Variants in GYPB observed in about 807,000 individuals in gnomAD.
The protein encoded by GYPB is glycophorin-B.
In GYPB, 13 loss-of-function variants were observed where a neutral mutation model predicts 15.3. The observed-to-expected ratio is 0.85, with a 90% CI of 0.55 to 1.35. The LOEUF is 1.35. Among genes scored for constraint, GYPB ranks in the 40% most tolerant of loss-of-function variants. The pLI, the probability that GYPB is intolerant of heterozygous loss-of-function variation, is 0.00. For missense variants in GYPB, 131 were observed against 108.3 expected (o/e 1.21, Z -0.93); for synonymous variants, 38 against 36.9 (o/e 1.03, Z -0.11).
In GYPB at chr4:143,996,444, T is replaced by C; in HGVS notation, c.271-140A>G. ...GAGGCTTCTAAAGGGTACCTAGGGG[T>C]GTTGCCAAGTTCTTTTGGTTTTATA... On this transcript the variant is annotated intron_variant, in intron 4 of 4. Coordinates refer to ENST00000502664, the MANE Select transcript of GYPB (RefSeq NM_002100.6). The C allele has an allele frequency of 4.1e-6, 6 of 1,458,790 alleles. No homozygotes were observed. The South Asian group carries it at 7.5e-5, about 18-fold the overall frequency. 90.4% of individuals were successfully genotyped at this position (1,458,790 alleles called of 1,614,324 possible). A position where few individuals can be genotyped will look rare whatever the true frequency, so the allele number is the denominator to read the frequency against.
At position 144,017,616 on chromosome 4, in the gene GYPB, TA is replaced by T. The variant is rs1238105020; in HGVS notation, c.37+1634del. Among the ~76,000 whole-genome samples the T allele has an allele frequency of 9.8e-4, 146 of 149,112 alleles. 7 individuals carry two copies. Among genetic ancestry groups the T allele is most frequent in the African/African-American group, 3.1e-3 (124 of 39,960 alleles). ...ATCTGCTTGTGTAGTTGTAGAAATTTAAAAAAAAAATCATTTCTTTGCCAGG... is the reference window on the plus strand; with the variant it reads ...ATCTGCTTGTGTAGTTGTAGAAATTTAAAAAAAAATCATTTCTTTGCCAGG... On this transcript the variant is annotated intron_variant, in intron 1 of 4. Coordinates refer to ENST00000502664, the MANE Select transcript of GYPB (RefSeq NM_002100.6).
chr4:144,016,140 GAAAAAAAAAAAAAA>G lies in GYPB; in HGVS notation c.37+3097_37+3110del, dbSNP rs10594193. Among the ~76,000 whole-genome samples the G allele has an allele frequency of 6.0e-3, 235 of 38,860 alleles. 3 individuals are homozygous for G. The highest frequency in any genetic ancestry group is 0.01 in the Admixed American group (24 of 2,388). 25.5% of individuals were successfully genotyped at this position (38,860 alleles called of 152,430 possible). On this transcript the variant is annotated intron_variant, in intron 1 of 4. Transcript: ENST00000502664. Reference sequence around the variant, plus strand: ...AGCAAGGCTCTCTTCTTGGATCCCTGAAAAAAAAAAAAAAAAAAAAAAAAAAAAAAGAGATGCCT... The same window carrying G: ...AGCAAGGCTCTCTTCTTGGATCCCTGAAAAAAAAAAAAAAAAGAGATGCCT...
intron 1 of GYPB, among the ~76,000 whole-genome samples, chr4:144,013,212 C>T (rs1465634974): frequency 6.6e-6 from 1 of 151,024 alleles, no homozygotes; most frequent in Non-Finnish European, 1.5e-5. Context: ...ATCAAAACCA[C>T]AATGAGATAC....
In GYPB at chr4:143,999,563, G is replaced by T. The variant is rs778581215; in HGVS notation, c.137-114C>A. ...TCCTTTTCTTAATCATATTTTGAGA[G>T]TTGTTGGTCAACTTTCAACATCTAG... is the stretch of plus-strand genomic sequence containing the variant. On this transcript the variant is annotated intron_variant, in intron 2 of 4. Transcript: ENST00000502664. 33 of 632,292 alleles carry T rather than the reference G, an allele frequency of 5.2e-5. 2 individuals carry two copies. Among genetic ancestry groups the T allele is most frequent in the African/African-American group, 1.9e-4 (10 of 51,572 alleles). 39.2% of individuals were successfully genotyped at this position (632,292 alleles called of 1,614,324 possible).
chr4:143,996,110 T>C lies in GYPB; in HGVS notation c.*189A>G. On this transcript the variant is annotated 3_prime_UTR_variant, in exon 5 of 5. Coordinates refer to ENST00000502664, the MANE Select transcript of GYPB (RefSeq NM_002100.6). ...CATGACTATAATACATGAAAACGGT[T>C]TGTATTTTGTTTTATTTTTATTTAG... The C allele has an allele frequency of 7.1e-7, 1 of 1,401,644 alleles. No individual in the cohort carries two copies. Among genetic ancestry groups the C allele is most frequent in the South Asian group, 1.5e-5 (1 of 64,876 alleles). The allele number at this position is 1,401,644 out of a possible 1,614,324, so 86.8% of individuals were successfully genotyped here. A position where few individuals can be genotyped will look rare whatever the true frequency, so the allele number is the denominator to read the frequency against.
At chr4:144,009,868 C>G (rs1728128346) in intron 1 of GYPB, among the ~76,000 whole-genome samples, 1 of 150,812 alleles carries the variant, frequency 6.6e-6, no homozygotes, top group African/African-American at 2.5e-5. Flanking sequence ...CCACCTCAGC[C>G]TCCCAAAGTG....
At chr4:144,013,502 G>A (rs544118584) in intron 1 of GYPB, among the ~76,000 whole-genome samples, 2,028 of 151,258 alleles carry the variant, frequency 0.013, 134 homozygotes, top group African/African-American at 0.046. Flanking sequence ...CACAATAGCA[G>A]AGACTTGGAA....
rs1346348843 is a variant in GYPB, at chr4:143,996,154, T to C, written c.*145A>G. 1 of 1,511,508 alleles carries C rather than the reference T, an allele frequency of 6.6e-7. No individual in the cohort carries two copies. The highest frequency in any genetic ancestry group is 1.4e-5 in the African/African-American group (1 of 69,952). The allele number at this position is 1,511,508 out of a possible 1,614,324, so 93.6% of individuals were successfully genotyped here. A position where few individuals can be genotyped will look rare whatever the true frequency, so the allele number is the denominator to read the frequency against. ...TATTTAGAAGTAGAGAATACAGTAATAGTGAGGCAGGAGAACAGGGAATTA... is the reference window on the plus strand; with the variant it reads ...TATTTAGAAGTAGAGAATACAGTAACAGTGAGGCAGGAGAACAGGGAATTA... On this transcript the variant is annotated 3_prime_UTR_variant, in exon 5 of 5. Transcript: ENST00000502664.
rs1264387606 is a variant in GYPB at position 143,996,443 on chromosome 4, G to A, written c.271-139C>T. On this transcript the variant is annotated intron_variant, in intron 4 of 4. Coordinates refer to ENST00000502664, the MANE Select transcript of GYPB (RefSeq NM_002100.6). ...GGAGGCTTCTAAAGGGTACCTAGGGGTGTTGCCAAGTTCTTTTGGTTTTAT... is the reference window on the plus strand; with the variant it reads ...GGAGGCTTCTAAAGGGTACCTAGGGATGTTGCCAAGTTCTTTTGGTTTTAT... 23 of 1,459,276 alleles carry A rather than the reference G, an allele frequency of 1.6e-5. 1 individual carries two copies. The Middle Eastern group carries it at 6.4e-4, about 41-fold the overall frequency. 90.4% of individuals were successfully genotyped at this position (1,459,276 alleles called of 1,614,324 possible). A position where few individuals can be genotyped will look rare whatever the true frequency, so the allele number is the denominator to read the frequency against.
rs567485311 is a variant in GYPB at position 143,997,393 on chromosome 4, C to T, written c.270+147G>A. Reference sequence around the variant, plus strand: ...CAAAAAAAAAATTCTGCTAGAGAAACACAGTGACTTCTATGTGTCCAGTTG... The same window carrying T: ...CAAAAAAAAAATTCTGCTAGAGAAATACAGTGACTTCTATGTGTCCAGTTG... On this transcript the variant is annotated intron_variant, in intron 4 of 4. Coordinates refer to ENST00000502664, the MANE Select transcript of GYPB (RefSeq NM_002100.6). 1.3e-5 allele frequency: 7 copies of T among 534,702 alleles called. 1 individual carries two copies. In the African/African-American group the frequency reaches 1.4e-4, roughly 11 times the overall value. The allele number at this position is 534,702 out of a possible 1,614,324, so 33.1% of individuals were successfully genotyped here.
chr4:144,002,128 T>C lies in GYPB; in HGVS notation c.38-845A>G, dbSNP rs554052062. ...TACATTTCAAATTTATAAGTTATTT[T>C]ATAAAATTTTATAAATTCTTTAAAT... On this transcript the variant is annotated intron_variant, in intron 1 of 4. Coordinates refer to ENST00000502664, the MANE Select transcript of GYPB (RefSeq NM_002100.6). 4.5e-4 allele frequency among the ~76,000 whole-genome samples: 68 copies of C among 151,378 alleles called. 1 individual carries two copies. The highest frequency in any genetic ancestry group is 3.4e-3 in the Middle Eastern group (1 of 294).
rs190746696 is a variant in GYPB at position 143,999,455 on chromosome 4, A to C, written c.137-6T>G. On this transcript the variant is annotated splice_polypyrimidine_tract_variant and splice_region_variant and intron_variant, in intron 2 of 4. Transcript: ENST00000502664. ...GACAAGTTGTCCCGTTTCTCCTATAAAGCAAAATTTCAATGTAAGTCCAAA... is the reference window on the plus strand; with the variant it reads ...GACAAGTTGTCCCGTTTCTCCTATACAGCAAAATTTCAATGTAAGTCCAAA... 1.6e-5 allele frequency: 23 copies of C among 1,468,152 alleles called. No homozygotes were observed. The African/African-American group carries it at 1.9e-4, about 12-fold the overall frequency. 90.9% of individuals were successfully genotyped at this position (1,468,152 alleles called of 1,614,324 possible). A position where few individuals can be genotyped will look rare whatever the true frequency, so the allele number is the denominator to read the frequency against.
rs1204859170 is a variant in GYPB, at chr4:144,019,360, G to T, written c.-73C>A. On this transcript the variant is annotated 5_prime_UTR_variant, in exon 1 of 5. Transcript: ENST00000502664. ...AAGACAACTGCAAGTGTCAGTGTCT[G>T]GCCTTAGCCTACTAGCTGTTATCTT... 1 of 1,610,912 alleles carries T rather than the reference G, an allele frequency of 6.2e-7. No homozygotes were observed. Among genetic ancestry groups the T allele is most frequent in the Non-Finnish European group, 8.5e-7 (1 of 1,179,002 alleles).
In GYPB at chr4:144,002,587, G is replaced by A. The variant is rs1302716346; in HGVS notation, c.38-1304C>T. The A allele has an allele frequency of 2.3e-6, 3 of 1,286,496 alleles. No individual in the cohort carries two copies. The African/African-American group carries it at 4.6e-5, about 20-fold the overall frequency. 79.7% of individuals were successfully genotyped at this position (1,286,496 alleles called of 1,614,324 possible). On this transcript the variant is annotated intron_variant, in intron 1 of 4. Coordinates refer to ENST00000502664, the MANE Select transcript of GYPB (RefSeq NM_002100.6). The stretch of plus-strand genomic sequence containing the variant: ...TAGATGTACCTTTGCTCATCTCTTG[G>A]AGACATTCAAATGAGGGGAATGGCA...
At chr4:144,017,016 T>C (rs1222086590) in intron 1 of GYPB, 1 of 349,570 alleles carries the variant, frequency 2.9e-6, no homozygotes, top group East Asian at 7.4e-5. Context: ...TTTTGACTGT[T>C]TTTATCTTAT....
downstream of GYPB, chr4:143,996,085 C>A: frequency 3.1e-6 from 4 of 1,296,652 alleles, no homozygotes; most frequent in Non-Finnish European, 4.1e-6. Context: ...AATAACAAAT[C>A]ATGACTATAA....
chr4:144,018,688 C>G (rs1728630245), intron 1 of GYPB, among the ~76,000 whole-genome samples: 1 of 151,070 alleles, frequency 6.6e-6, no homozygotes, highest in East Asian at 1.9e-4. Context: ...ATTTAAATTT[C>G]TCCTAAAATT....
intron 1 of GYPB, among the ~76,000 whole-genome samples, chr4:144,008,051 T>C (rs868103874): frequency 3.3e-5 from 5 of 151,600 alleles, no homozygotes; most frequent in Middle Eastern, 3.4e-3. Flanking sequence ...ATTCCACACA[T>C]CTCTCTAACC....
At chr4:144,005,744 C>G (rs1199033898) in intron 1 of GYPB, among the ~76,000 whole-genome samples, 3 of 151,734 alleles carry the variant, frequency 2.0e-5, no homozygotes, top group South Asian at 4.1e-4. Context: ...AATAGACAGA[C>G]CTTGTGCCAA....
Sources: gnomAD v4.1 joint callset for allele counts (sites outside exome capture counted in the v4.1 genomes callset) on GRCh38, gnomAD v4.1.1 for gene constraint, MANE v1.5 for transcripts, NCBI Gene and HGNC (gene_info 2026-07-23, HGNC 2026-07-21) for gene names.